The following COL1A1 variants were observed in gnomAD, a reference collection of about 807,000 sequenced individuals.
The protein encoded by COL1A1 is collagen type I alpha 1 chain, also known as collagen alpha-1(I) chain.
COL1A1 carries 21 observed loss-of-function variants against 195.7 expected under a neutral mutation model. The ratio of observed to expected loss-of-function variants is 0.11; its 90% CI spans 0.08 to 0.15. The LOEUF is 0.15. COL1A1 is among the 10% of genes least tolerant of loss of function. The probability of loss-of-function intolerance (pLI) is 1.00; values close to 1 mark genes in which losing one functional copy is unlikely to be tolerated. For synonymous variants in COL1A1, 749 were observed against 747.3 expected, an observed-to-expected ratio of 1.00 and a Z score of -0.04; for missense variants, 1,365 against 2,051.0, an observed-to-expected ratio of 0.67 and a Z score of 6.46.
intron 29 of COL1A1, 103 bp downstream of exon 29, chr17:50,192,372 C>T (rs1403985773): frequency 3.0e-6 from 4 of 1,347,688 alleles, no homozygotes; most frequent in Non-Finnish European, 2.1e-6. Context: ...GGCGTCTAAC[C>T]TCAATCCCTC....
intron 1 of COL1A1, among the ~76,000 whole-genome samples, chr17:50,200,810 C>T (rs1482975449): frequency 6.6e-6 from 1 of 152,212 alleles, no homozygotes; most frequent in Admixed American, 6.5e-5. Flanking sequence ...CCAGCAATAA[C>T]CCGGGTCTTC....
At chr17:50,197,109 A>G (rs1907664088) in intron 10 of COL1A1, 46 bp from the exon 11 acceptor site, 1 of 1,613,938 alleles carries the variant, frequency 6.2e-7, no homozygotes, top group Non-Finnish European at 8.5e-7. Flanking sequence ...AGAACACATC[A>G]CTGTGGACCC....
At position 50,189,561 on chromosome 17, in the gene COL1A1, G is replaced by A. The variant is rs1478245670; in HGVS notation, c.2668-23C>T. The A allele has an allele frequency of 2.5e-6, 4 of 1,613,192 alleles. No homozygotes were observed. The highest frequency in any genetic ancestry group is 2.2e-5 in the South Asian group (2 of 91,046). Reference sequence around the variant, plus strand: ...TCCCTGGATGAGGATAGGAGGGGCTGTCAGACTCCAGGGGGCTCTGGTGCA... The same window carrying A: ...TCCCTGGATGAGGATAGGAGGGGCTATCAGACTCCAGGGGGCTCTGGTGCA... On this transcript the variant is annotated intron_variant, in intron 38 of 50. Transcript: ENST00000225964. This position sits in a 1 kb window ranked among gnomAD's most constrained non-coding sequence, Gnocchi z 5.5.
In COL1A1 at chr17:50,191,844, G is replaced by A; in HGVS notation, c.2071C>T (p.Pro691Ser). Residue 691 changes from proline to serine, a missense_variant, in exon 31 of 51, where the codon CCT (proline) becomes TCT (serine). Coordinates refer to ENST00000225964, the MANE Select transcript of COL1A1 (RefSeq NM_000088.4). ...FPGERGVQGP[P>S]GPAGPRGANG... ...GCCCCTCGGGGACCAGCAGGACCAG[G>A]GGGACCTTGCACACCACGCTCGCCA... 1.9e-6 allele frequency: 3 copies of A among 1,603,656 alleles called. No homozygotes were observed. In the South Asian group the frequency reaches 3.4e-5, roughly 18 times the overall value.
Position 50,199,431 on chromosome 17 carries a change from G to T in COL1A1, c.356C>A (p.Pro119His). The T allele has an allele frequency of 6.2e-7, 1 of 1,614,180 alleles. No homozygotes were observed. Among genetic ancestry groups the T allele is most frequent in the Non-Finnish European group, 8.5e-7 (1 of 1,180,004 alleles). ...TGCAACGCTTACCCTTGGGCCTCGGGGGCCAGTGTCTCCCTTGGGTCCCTG... is the reference window on the plus strand; with the variant it reads ...TGCAACGCTTACCCTTGGGCCTCGGTGGCCAGTGTCTCCCTTGGGTCCCTG... The part of the protein sequence containing the change: ...GVEGPKGDTG[P>H]RGPRGPAGPP... The change falls in exon 4 of 51, where the codon CCC becomes CAC. Residue 119 changes from proline (P) to histidine (H), a missense_variant. Transcript: ENST00000225964.
At chr17:50,197,698 G>GTT in intron 9 of COL1A1, 34 bp downstream of exon 9, 1 of 1,543,452 alleles carries the variant, frequency 6.5e-7, no homozygotes, top group Non-Finnish European at 8.7e-7. Context: ...GAGGCCATGG[G>GTT]GTCAGATGGT....
chr17:50,196,204 A>C lies in COL1A1; in HGVS notation c.958-5T>G, dbSNP rs572925350. 1 of 1,614,050 alleles carries C rather than the reference A, an allele frequency of 6.2e-7. No homozygotes were observed. The highest frequency in any genetic ancestry group is 8.5e-7 in the Non-Finnish European group (1 of 1,179,966). On this transcript the variant is annotated splice_polypyrimidine_tract_variant and splice_region_variant and intron_variant, in intron 14 of 50. Transcript: ENST00000225964. Reference sequence around the variant, plus strand: ...ACCATCATTTCCACGAGCACCCTGCAGGAGAGAGGGGAAGCCCCGTTAAGT... The same window carrying C: ...ACCATCATTTCCACGAGCACCCTGCCGGAGAGAGGGGAAGCCCCGTTAAGT...
rs748252044 is a variant in COL1A1 at position 50,189,889 on chromosome 17, G to T, written c.2583C>A (p.Ala861=). 6.2e-7 allele frequency: 1 copy of T among 1,612,124 alleles called. No individual in the cohort carries two copies. Among genetic ancestry groups the T allele is most frequent in the South Asian group, 1.1e-5 (1 of 90,870 alleles). ...GACCAGCGCTGCCGCGAGCACCTTTGGCTCCAGGAGCACCAACATTACCCT... is the reference window on the plus strand; with the variant it reads ...GACCAGCGCTGCCGCGAGCACCTTTTGCTCCAGGAGCACCAACATTACCCT... ...GPIGNVGAPG[A]KGARGSAGPP... is the part of the protein sequence containing the mutation. Residue 861 remains alanine, a synonymous_variant, in exon 37 of 51, where the codon GCC becomes GCA. Coordinates refer to ENST00000225964, the MANE Select transcript of COL1A1 (RefSeq NM_000088.4). The surrounding 1 kb of genome is among the most constrained non-coding windows in gnomAD (Gnocchi z 5.5).
rs1024499126 is a variant in COL1A1, at chr17:50,201,481, G to A, written c.33C>T (p.Leu11=). The A allele has an allele frequency of 2.7e-5, 43 of 1,612,522 alleles. No individual in the cohort carries two copies. The highest frequency in any genetic ancestry group is 3.3e-5 in the Non-Finnish European group (39 of 1,180,036). Residue 11 remains leucine (L), a synonymous_variant, in exon 1 of 51, where the codon CTC becomes CTT. Coordinates refer to ENST00000225964, the MANE Select transcript of COL1A1 (RefSeq NM_000088.4). The stretch of plus-strand genomic sequence containing the variant: ...TCAGGAGGGCGGTGGCCGCTAAGAG[G>A]AGCAGGAGCCGGAGGTCCACAAAGC... MFSFVDLRLL[L]LLAATALLTH...
At position 50,195,408 on chromosome 17, in the gene COL1A1, G is replaced by A. The variant is rs1197181551; in HGVS notation, c.1200+26C>T. The stretch of plus-strand genomic sequence containing the variant: ...AGGCAGGCTGCAGGCGGCAGGAGTG[G>A]GACTGAAGCCTGGCAGGATACTTAC... On this transcript the variant is annotated intron_variant, in intron 18 of 50. Transcript: ENST00000225964. This position sits in a 1 kb window ranked among gnomAD's most constrained non-coding sequence, Gnocchi z 4.3. The A allele has an allele frequency of 6.2e-7, 1 of 1,613,922 alleles. No homozygotes were observed. The highest frequency in any genetic ancestry group is 1.3e-5 in the African/African-American group (1 of 74,882).
Position 50,189,707 on chromosome 17 carries a change from G to T in COL1A1, c.2639C>A (p.Ala880Asp), listed in dbSNP as rs1349094779. The change falls in exon 38 of 51, where the codon GCT becomes GAT. Residue 880 changes from alanine to aspartate, a missense_variant. This residue lies in a region of COL1A1 where 671 missense variants were observed against 1,099.9 expected (regional missense o/e 0.61). Transcript: ENST00000225964. This position sits in a 1 kb window ranked among gnomAD's most constrained non-coding sequence, Gnocchi z 5.5. The part of the protein sequence containing the change: ...PPGATGFPGA[A>D]GRVGPPGPSG... ...GGGGCCAGGAGGACCGACTCGGCCA[G>T]CAGCACCAGGGAAACCAGTAGCACC... 1 of 1,613,998 alleles carries T rather than the reference G, an allele frequency of 6.2e-7. No individual in the cohort carries two copies. Among genetic ancestry groups the T allele is most frequent in the Non-Finnish European group, 8.5e-7 (1 of 1,180,026 alleles).
intron 11 of COL1A1, 82 bp from the exon 12 acceptor site, chr17:50,196,752 C>A (rs568018628): frequency 1.4e-6 from 2 of 1,476,306 alleles, no homozygotes; most frequent in African/African-American, 1.4e-5. Flanking sequence ...TGAGAAAGAG[C>A]CTTGGGAGGT....
At position 50,186,029 on chromosome 17, in the gene COL1A1, G is replaced by A. The variant is rs193922156; in HGVS notation, c.4006-9C>T. On this transcript the variant is annotated splice_polypyrimidine_tract_variant and intron_variant, in intron 49 of 50. Transcript: ENST00000225964. This position sits in a 1 kb window ranked among gnomAD's most constrained non-coding sequence, Gnocchi z 5.3. ...TGGCCGCCATACTCGAACTGCAGGG[G>A]AGGGGAGAGAGGGAAGAGTGAGCCG... 1.9e-6 allele frequency: 3 copies of A among 1,611,888 alleles called. No individual in the cohort carries two copies. The highest frequency in any genetic ancestry group is 1.7e-6 in the Non-Finnish European group (2 of 1,179,902).
In COL1A1 at chr17:50,195,515, G is replaced by A. The variant is rs367939054; in HGVS notation, c.1156-37C>T. ...AGAAAGGAGTGTCAGCAACAGGCAAGGACTCTGAGGTTAGAAAGTGGCAAA... is the reference window on the plus strand; with the variant it reads ...AGAAAGGAGTGTCAGCAACAGGCAAAGACTCTGAGGTTAGAAAGTGGCAAA... On this transcript the variant is annotated intron_variant, in intron 17 of 50. Transcript: ENST00000225964. The surrounding 1 kb of genome is among the most constrained non-coding windows in gnomAD (Gnocchi z 4.3). 3.0e-5 allele frequency: 48 copies of A among 1,613,922 alleles called. No individual in the cohort carries two copies. The African/African-American group carries it at 5.6e-4, about 19-fold the overall frequency.
intron 46 of COL1A1, 111 bp from the exon 47 acceptor site, chr17:50,187,233 G>T (rs984599385): frequency 2.1e-6 from 2 of 948,496 alleles, no homozygotes; most frequent in East Asian, 5.2e-5. Flanking sequence ...GGCTCATAGA[G>T]CCAGCCTCAG....
At position 50,189,785 on chromosome 17, in the gene COL1A1, AC is replaced by A; in HGVS notation, c.2614-54del. ...AGAGGGAGAACAGCCAACTCATCCG[AC>A]CCAGCTGCCCTCACCTGCCACCGCT... On this transcript the variant is annotated intron_variant, in intron 37 of 50. Transcript: ENST00000225964. The surrounding 1 kb of genome is among the most constrained non-coding windows in gnomAD (Gnocchi z 5.5). 3 of 1,612,150 alleles carry A rather than the reference AC, an allele frequency of 1.9e-6. No individual in the cohort carries two copies. Among genetic ancestry groups the A allele is most frequent in the Non-Finnish European group, 2.5e-6 (3 of 1,178,942 alleles).
In COL1A1 at chr17:50,193,042, C is replaced by T; in HGVS notation, c.1773G>A (p.Glu591=). 6.2e-7 allele frequency: 1 copy of T among 1,613,932 alleles called. No homozygotes were observed. The highest frequency in any genetic ancestry group is 8.5e-7 in the Non-Finnish European group (1 of 1,179,978). Residue 591 remains glutamate, a synonymous_variant, in exon 26 of 51, where the codon GAG becomes GAA. Coordinates refer to ENST00000225964, the MANE Select transcript of COL1A1 (RefSeq NM_000088.4). ...CACCTCGCTCTCCAGCCTTGCCGGGCTCTCCCTGTGGAGAAAGGGAGTTAG... is the reference window on the plus strand; with the variant it reads ...CACCTCGCTCTCCAGCCTTGCCGGGTTCTCCCTGTGGAGAAAGGGAGTTAG... The part of the protein sequence containing the change: ...GFPGPKGAAG[E]PGKAGERGVP...
At position 50,186,344 on chromosome 17, in the gene COL1A1, G is replaced by A. The variant is rs200145743; in HGVS notation, c.3978C>T (p.Phe1326=). The A allele has an allele frequency of 7.2e-5, 117 of 1,614,196 alleles. No individual in the cohort carries two copies. The East Asian group carries it at 2.3e-3, about 32-fold the overall frequency. ...GGAATCCATCGGTCATGCTCTCGCC[G>A]AACCAGACATGCCTCTTGTCCTTGG... ...KNPKDKRHVW[F]GESMTDGFQF... The change falls in exon 49 of 51, where the codon TTC becomes TTT. Residue 1326 remains phenylalanine (F), a synonymous_variant. Transcript: ENST00000225964. The surrounding 1 kb of genome is among the most constrained non-coding windows in gnomAD (Gnocchi z 5.3).
chr17:50,195,590 G>A lies in COL1A1; in HGVS notation c.1132C>T (p.Pro378Ser), dbSNP rs764381074. Reference protein sequence around the residue: ...GVRGEPGPPGPAGAAGPAGNP... With the variant: ...GVRGEPGPPGSAGAAGPAGNP... The stretch of plus-strand genomic sequence containing the variant: ...ACAGCAGGGCCAGCAGCACCAGCAG[G>A]GCCAGGGGGGCCAGGCTCACCACGC... Residue 378 changes from proline to serine, a missense_variant, in exon 17 of 51, where the codon CCT (proline) becomes TCT (serine). Transcript: ENST00000225964. The surrounding 1 kb of genome is among the most constrained non-coding windows in gnomAD (Gnocchi z 4.3). 6.2e-7 allele frequency: 1 copy of A among 1,613,942 alleles called. No homozygotes were observed. Among genetic ancestry groups the A allele is most frequent in the Admixed American group, 1.7e-5 (1 of 60,020 alleles).
Sources: allele counts gnomAD v4.1 joint callset (sites outside exome capture counted in the v4.1 genomes callset), GRCh38; gene constraint gnomAD v4.1.1; regional missense constraint gnomAD v4.1.1; non-coding constraint Gnocchi (gnomAD v3.1); transcripts MANE v1.5; gene names NCBI Gene and HGNC (gene_info 2026-07-23, HGNC 2026-07-21).